ANKRD36: variants seen among roughly 807,000 people sequenced by gnomAD.
The protein encoded by ANKRD36 is ankyrin repeat domain-containing protein 36A.
In ANKRD36, 179 loss-of-function variants were observed where a neutral mutation model predicts 278.1. The ratio of observed to expected loss-of-function variants is 0.64; its 90% confidence interval spans 0.57 to 0.73. The LOEUF (loss-of-function observed/expected upper bound fraction) is 0.73, where lower values mean the gene tolerates loss of function less well. Ranked by LOEUF, ANKRD36 falls within the 30% of genes least tolerant of loss-of-function variation. The probability of loss-of-function intolerance (pLI) is 0.00; values close to 1 mark genes in which losing one functional copy is unlikely to be tolerated. For missense variants in ANKRD36, 1,159 were observed against 1,956.7 expected, an observed-to-expected ratio of 0.59 and a Z score of 7.69; for synonymous variants, 320 against 641.1, an observed-to-expected ratio of 0.50 and a Z score of 7.57.
chr2:97,252,815 CTT>C (rs1235893998), intron 75 of ANKRD36, among the ~76,000 whole-genome samples: 3 of 129,472 alleles, frequency 2.3e-5, no homozygotes. Context: ...CACCCACAAT[CTT>C]TCTATAATCC....
At position 97,154,744 on chromosome 2, in the gene ANKRD36, A is replaced by G. The variant is rs1401774873; in HGVS notation, c.1260+3A>G. On this transcript the variant is annotated splice_donor_region_variant and intron_variant, in intron 15 of 75. Transcript: ENST00000420699. ...ATAAGTTTGCTTTGGAATCTGAGGTAGAGTACTCTCTTGTGAAATTAATTT... is the reference window on the plus strand; with the variant it reads ...ATAAGTTTGCTTTGGAATCTGAGGTGGAGTACTCTCTTGTGAAATTAATTT... The G allele has an allele frequency of 6.8e-7, 1 of 1,479,684 alleles. No individual in the cohort carries two copies. The highest frequency in any genetic ancestry group is 1.4e-5 in the African/African-American group (1 of 72,764). 91.7% of individuals were successfully genotyped at this position (1,479,684 alleles called of 1,614,324 possible).
intron 20 of ANKRD36, among the ~76,000 whole-genome samples, chr2:97,166,656 G>T (rs1232680509): frequency 9.9e-5 from 15 of 151,310 alleles, no homozygotes; most frequent in Non-Finnish European, 2.1e-4. Flanking sequence ...TGGTATATTC[G>T]CACTCGAACA....
chr2:97,176,380 G>C (rs1440508555), intron 22 of ANKRD36, among the ~76,000 whole-genome samples: 1 of 147,538 alleles, frequency 6.8e-6, no homozygotes, highest in African/African-American at 2.5e-5. Context: ...ATTATGTAAT[G>C]GCCTTCTTTG....
chr2:97,207,778 C>T (rs4063410), intron 52 of ANKRD36, 33 bp from the exon 53 acceptor site: 1,096,447 of 1,526,426 alleles, frequency 0.72, 411,919 homozygotes, highest in Non-Finnish European at 0.79. Context: ...CATTTTTACA[C>T]ATGAGTGATT....
chr2:97,260,864 C>CT (rs1474152563), intron 75 of ANKRD36, among the ~76,000 whole-genome samples: 1 of 114,024 alleles, frequency 8.8e-6, no homozygotes, highest in Non-Finnish European at 1.6e-5. Flanking sequence ...TTACCTTGCA[C>CT]TTTTATGTTA....
chr2:97,208,163 C>T (rs1344403838), intron 54 of ANKRD36, among the ~76,000 whole-genome samples, 157 bp downstream of exon 54: 5 of 146,172 alleles, frequency 3.4e-5, no homozygotes, highest in Non-Finnish European at 7.5e-5. Context: ...GATGCTGATG[C>T]TGCTGGTCTG....
chr2:97,185,861 CAT>C (rs1200434889), intron 30 of ANKRD36, among the ~76,000 whole-genome samples: 1 of 151,726 alleles, frequency 6.6e-6, no homozygotes, highest in African/African-American at 2.4e-5. Context: ...ACAGACGTCA[CAT>C]CTTATTGCTA....
chr2:97,143,245 G>C (rs570534669), intron 8 of ANKRD36, among the ~76,000 whole-genome samples: 61 of 151,980 alleles, frequency 4.0e-4, no homozygotes, highest in African/African-American at 1.3e-3. Context: ...TGTAGAAAGA[G>C]AACTAAGGAG....
At chr2:97,260,345 AAG>A (rs1553500746) in intron 75 of ANKRD36, among the ~76,000 whole-genome samples, 1 of 70,488 alleles carries the variant, frequency 1.4e-5, no homozygotes, top group Non-Finnish European at 2.7e-5. Flanking sequence ...AATATTTTAA[AAG>A]ATATATATAT....
intron 10 of ANKRD36, among the ~76,000 whole-genome samples, chr2:97,145,941 T>C (rs1307060910): frequency 6.6e-6 from 1 of 152,116 alleles, no homozygotes; most frequent in Non-Finnish European, 1.5e-5. Context: ...ATTGTGTACC[T>C]GCTGGATTGT....
rs1238190436 is a variant in ANKRD36, at chr2:97,217,169, C to A, written c.3674-8C>A. The A allele has an allele frequency of 6.5e-7, 1 of 1,545,472 alleles. No homozygotes were observed. Among genetic ancestry groups the A allele is most frequent in the Admixed American group, 2.0e-5 (1 of 50,926 alleles). Reference sequence around the variant, plus strand: ...TATGATGAATTATATATTTCTTTTACTTTTCAGTGTCTCCTCAGAAACAAT... The same window carrying A: ...TATGATGAATTATATATTTCTTTTAATTTTCAGTGTCTCCTCAGAAACAAT... On this transcript the variant is annotated splice_polypyrimidine_tract_variant and splice_region_variant and intron_variant, in intron 62 of 75. Coordinates refer to ENST00000420699, the MANE Select transcript of ANKRD36 (RefSeq NM_001354587.1).
chr2:97,219,936 C>CT (rs2066948469), intron 66 of ANKRD36, among the ~76,000 whole-genome samples: 1 of 146,034 alleles, frequency 6.8e-6, no homozygotes. Context: ...AAAATTATGG[C>CT]TTTTAGCTAA....
At chr2:97,188,260 T>G (rs1422918191) in intron 32 of ANKRD36, among the ~76,000 whole-genome samples, 1 of 151,716 alleles carries the variant, frequency 6.6e-6, no homozygotes, top group East Asian at 2.0e-4. Context: ...AAAATTATGT[T>G]GAATTCTAAT....
chr2:97,183,564 G>A lies in ANKRD36; in HGVS notation c.1867-18G>A, dbSNP rs558509275. 5.8e-6 allele frequency: 9 copies of A among 1,552,324 alleles called. No individual in the cohort carries two copies. Among genetic ancestry groups the A allele is most frequent in the Non-Finnish European group, 7.8e-6 (9 of 1,148,830 alleles). ...ATATGTATTATATATTGACTATTTT[G>A]TTTCTCTTTCCATTCAGGTTATATT... On this transcript the variant is annotated intron_variant, in intron 27 of 75. Transcript: ENST00000420699.
intron 42 of ANKRD36, 34 bp downstream of exon 42, chr2:97,196,822 G>C: frequency 3.9e-6 from 6 of 1,543,232 alleles, no homozygotes; most frequent in Non-Finnish European, 5.2e-6. Flanking sequence ...GTCATGTTCA[G>C]TCCAGATAGA....
At chr2:97,115,457 T>C (rs902979162) in intron 1 of ANKRD36, among the ~76,000 whole-genome samples, 4 of 152,062 alleles carry the variant, frequency 2.6e-5, no homozygotes, top group Middle Eastern at 3.2e-3. Flanking sequence ...AGACAATATG[T>C]GTATATACAT....
Position 97,217,388 on chromosome 2 carries a change from A to T in ANKRD36, c.3775+16A>T. 1.9e-6 allele frequency: 3 copies of T among 1,550,020 alleles called. No individual in the cohort carries two copies. Among genetic ancestry groups the T allele is most frequent in the Non-Finnish European group, 2.6e-6 (3 of 1,147,622 alleles). On this transcript the variant is annotated intron_variant, in intron 64 of 75. Transcript: ENST00000420699. Reference sequence around the variant, plus strand: ...TCTGGAACAGGTAATTTAGCAATATACATTTAATGTCATGTGCACTCAAGA... The same window carrying T: ...TCTGGAACAGGTAATTTAGCAATATTCATTTAATGTCATGTGCACTCAAGA...
In ANKRD36 at chr2:97,136,813, G is replaced by A. The variant is rs2443891; in HGVS notation, c.800-5827G>A. 9.2e-5 allele frequency among the ~76,000 whole-genome samples: 14 copies of A among 151,942 alleles called. No individual in the cohort carries two copies. In the South Asian group the frequency reaches 1.0e-3, roughly 11 times the overall value. On this transcript the variant is annotated intron_variant, in intron 6 of 75. Transcript: ENST00000420699. ...GAAATCATGTTCTTTGACAATGCCTGCTCATTATATTGATTCTACTAATGA... is the reference window on the plus strand; with the variant it reads ...GAAATCATGTTCTTTGACAATGCCTACTCATTATATTGATTCTACTAATGA...
chr2:97,156,613 T>G (rs1289815477), intron 15 of ANKRD36, among the ~76,000 whole-genome samples: 1 of 136,432 alleles, frequency 7.3e-6, no homozygotes, highest in African/African-American at 2.6e-5. Context: ...CTTAATCCAG[T>G]CTATCATTGT....
Sources: allele counts gnomAD v4.1 joint callset (sites outside exome capture counted in the v4.1 genomes callset), GRCh38; gene constraint gnomAD v4.1.1; transcripts MANE v1.5; gene names NCBI Gene and HGNC (gene_info 2026-07-23, HGNC 2026-07-21).